The following MKLN1 variants were observed in gnomAD, a reference collection of about 807,000 sequenced individuals.
The protein encoded by MKLN1 is muskelin.
In MKLN1, 18 loss-of-function variants were observed where a neutral mutation model predicts 99.0. That is an observed-to-expected ratio of 0.18 (90% confidence interval 0.13 to 0.27). MKLN1 has a LOEUF of 0.27. Among genes scored for constraint, MKLN1 ranks in the 10% least tolerant of loss-of-function variants. MKLN1 has a pLI of 1.00. For missense variants in MKLN1, 621 were observed against 875.9 expected, an observed-to-expected ratio of 0.71 and a Z score of 3.67; for synonymous variants, 288 against 293.2, an observed-to-expected ratio of 0.98 and a Z score of 0.18.
chr7:131,463,204 CTTTAA>C lies in MKLN1; in HGVS notation c.1526-9_1526-5del, dbSNP rs1222526075. On this transcript the variant is annotated splice_polypyrimidine_tract_variant and splice_region_variant and intron_variant, in intron 12 of 17. Transcript: ENST00000352689. ...GTGAATATTTTCATCTTATTTTTTT[CTTTAA>C]TTTGTAGTTCCAATGACAGGATTTA... The C allele has an allele frequency of 6.3e-7, 1 of 1,586,524 alleles. No homozygotes were observed. Among genetic ancestry groups the C allele is most frequent in the East Asian group, 2.2e-5 (1 of 44,490 alleles).
At chr7:131,168,964 T>C (rs925911879) in intron 2 of MKLN1, among the ~76,000 whole-genome samples, 2 of 151,112 alleles carry the variant, frequency 1.3e-5, no homozygotes, top group African/African-American at 4.9e-5. Context: ...ACCTCCTGGG[T>C]TCAAGCAATT....
In MKLN1 at chr7:131,387,241, A is replaced by G. The variant is rs200160078; in HGVS notation, c.290A>G (p.Asn97Ser). Residue 97 changes from asparagine to serine, a missense_variant, in exon 3 of 18, where the codon AAT becomes AGT. Around this residue, in one of 8 missense-constraint regions of MKLN1, gnomAD observed 361 missense variants for 540.8 expected, o/e 0.67. Transcript: ENST00000352689. ...GTCTTTGGTGGAATGAATGAAGAAA[A>G]TATGACAGAGCTGTTGTCCAGGTGA... ...FKVFGGMNEENMTELLSSGLK... is the reference protein window; with the variant it reads ...FKVFGGMNEESMTELLSSGLK... 5.0e-6 allele frequency: 8 copies of G among 1,611,852 alleles called. No individual in the cohort carries two copies. In the Admixed American group the frequency reaches 1.3e-4, roughly 27 times the overall value.
intron 2 of MKLN1, among the ~76,000 whole-genome samples, chr7:131,151,544 T>A (rs1391496141): frequency 2.0e-5 from 3 of 152,222 alleles, no homozygotes; most frequent in African/African-American, 7.2e-5. Context: ...CTATGATCTG[T>A]ACCCAATCAA....
chr7:131,156,788 G>C (rs1010029530), intron 2 of MKLN1, among the ~76,000 whole-genome samples: 4 of 152,176 alleles, frequency 2.6e-5, no homozygotes, highest in Admixed American at 6.5e-5. Context: ...AAGTTGAGGA[G>C]CACCTGTACA....
At chr7:131,211,016 T>C (rs1443825269) in intron 3 of MKLN1, among the ~76,000 whole-genome samples, 2 of 151,774 alleles carry the variant, frequency 1.3e-5, no homozygotes, top group African/African-American at 4.8e-5. Flanking sequence ...GACTAGAGTA[T>C]ACATTTCTAT....
chr7:131,396,194 TCC>T (rs1229719523), intron 4 of MKLN1, among the ~76,000 whole-genome samples: 1 of 152,118 alleles, frequency 6.6e-6, no homozygotes, highest in Non-Finnish European at 1.5e-5. Context: ...TGCCACAGCC[TCC>T]CAAGTAGCTG....
At chr7:131,176,487 T>C (rs1300861989) in intron 2 of MKLN1, among the ~76,000 whole-genome samples, 1 of 152,238 alleles carries the variant, frequency 6.6e-6, no homozygotes, top group East Asian at 1.9e-4. Flanking sequence ...TCTTGTCTTT[T>C]AAGCCTCATT....
intron 1 of MKLN1, among the ~76,000 whole-genome samples, chr7:131,135,011 C>T (rs1795626534): frequency 6.6e-6 from 1 of 152,232 alleles, no homozygotes; most frequent in Non-Finnish European, 1.5e-5. Context: ...TCCCTCTCCA[C>T]ACCTTTGTGC....
At chr7:131,284,466 G>T (rs796875153) in intron 3 of MKLN1, among the ~76,000 whole-genome samples, 45 of 152,310 alleles carry the variant, frequency 3.0e-4, no homozygotes, top group African/African-American at 1.0e-3. Context: ...GGATTGTCAC[G>T]CTGAGGTTAC....
At chr7:131,166,842 T>C (rs1278437585) in intron 2 of MKLN1, among the ~76,000 whole-genome samples, 2 of 152,022 alleles carry the variant, frequency 1.3e-5, no homozygotes, top group Non-Finnish European at 2.9e-5. Flanking sequence ...CCCACCACCA[T>C]GCTGGGCTAC....
chr7:131,132,372 G>A (rs993331509), intron 1 of MKLN1, among the ~76,000 whole-genome samples: 5 of 152,276 alleles, frequency 3.3e-5, no homozygotes, highest in African/African-American at 1.2e-4. Flanking sequence ...TTTTAAAAGG[G>A]ACTTTGACAG....
At chr7:131,251,093 A>ATGTGTG (rs34359037) in intron 3 of MKLN1, among the ~76,000 whole-genome samples, 2,483 of 146,234 alleles carry the variant, frequency 0.017, 30 homozygotes, top group Middle Eastern at 0.07. Context: ...TGGGGCCCAG[A>ATGTGTG]TGTGTGTGTG....
At chr7:131,395,506 A>G (rs1439130302) in intron 4 of MKLN1, among the ~76,000 whole-genome samples, 1 of 91,048 alleles carries the variant, frequency 1.1e-5, no homozygotes, top group Non-Finnish European at 2.4e-5. Flanking sequence ...TTTTACTGCC[A>G]GTGTATGGTG....
intron 8 of MKLN1, among the ~76,000 whole-genome samples, chr7:131,427,975 A>C (rs1381427506): frequency 2.0e-5 from 3 of 152,002 alleles, no homozygotes; most frequent in Non-Finnish European, 4.4e-5. Context: ...ACCATCCTGG[A>C]CAACATAGTG....
rs1797484614 is a variant in MKLN1 at position 131,493,868 on chromosome 7, A to C, written c.*6140A>C. ...AGATCATCATTCTTCAGTTTCATTC[A>C]TTACTTAATGAATGCCAAATTAATT... On this transcript the variant is annotated 3_prime_UTR_variant, in exon 18 of 18. Coordinates refer to ENST00000352689, the MANE Select transcript of MKLN1 (RefSeq NM_013255.5). The C allele has an allele frequency of 6.6e-6, 1 of 152,184 alleles. No individual in the cohort carries two copies. Among genetic ancestry groups the C allele is most frequent in the Admixed American group, 6.5e-5 (1 of 15,280 alleles). The allele number at this position is 152,184 out of a possible 1,614,324, so 9.4% of individuals were successfully genotyped here.
At chr7:131,283,559 C>T (rs935994752) in intron 3 of MKLN1, among the ~76,000 whole-genome samples, 6 of 151,632 alleles carry the variant, frequency 4.0e-5, no homozygotes, top group African/African-American at 7.3e-5. Flanking sequence ...CTCAGCCTCC[C>T]GAGTAGCTGG....
chr7:131,287,635 C>T (rs180826329), intron 3 of MKLN1, among the ~76,000 whole-genome samples: 85 of 151,714 alleles, frequency 5.6e-4, no homozygotes, highest in African/African-American at 1.7e-3. Flanking sequence ...TCCAGAGATT[C>T]GGCTGTGGGC....
chr7:131,135,105 G>T lies in MKLN1; in HGVS notation c.-418-7715G>T, dbSNP rs189395311. Among the ~76,000 whole-genome samples the T allele has an allele frequency of 2.0e-5, 3 of 152,262 alleles. No individual in the cohort carries two copies. The East Asian group carries it at 5.8e-4, about 29-fold the overall frequency. ...TCCTCCTTCAGTGGTTCTAGGAAAA[G>T]AATCCACTTCCTGTTTCTTGTTTTT... is the stretch of plus-strand genomic sequence containing the variant. On this transcript the variant is annotated intron_variant, in intron 1 of 7. Transcript: ENST00000416992.
intron 6 of MKLN1, among the ~76,000 whole-genome samples, chr7:131,410,345 C>T (rs558499890): frequency 3.9e-5 from 6 of 151,978 alleles, no homozygotes; most frequent in East Asian, 1.9e-4. Context: ...ATTTATAAAA[C>T]GGAGATGATA....
Sources: gnomAD v4.1 joint callset for allele counts (sites outside exome capture counted in the v4.1 genomes callset) on GRCh38, gnomAD v4.1.1 for gene constraint, gnomAD v4.1.1 regional missense constraint, MANE v1.5 for transcripts, NCBI Gene and HGNC (gene_info 2026-07-23, HGNC 2026-07-21) for gene names.